Variants in FBXW4 observed in about 807,000 individuals in gnomAD.
FBXW4 encodes F-box and WD repeat domain containing 4.
In FBXW4, 40 loss-of-function variants were observed where a neutral mutation model predicts 61.8. The ratio of observed to expected loss-of-function variants is 0.65; its 90% CI spans 0.50 to 0.84. The LOEUF is 0.84. Ranked by LOEUF, FBXW4 falls within the 40% of genes least tolerant of loss-of-function variation. The pLI is 0.00. For missense variants in FBXW4, 672 were observed against 753.8 expected (o/e 0.89, Z 1.27); for synonymous variants, 311 against 313.8 (o/e 0.99, Z 0.10).
At chr10:101,676,803 A>C (rs1304455741) in intron 1 of FBXW4, 2 of 155,682 alleles carry the variant, frequency 1.3e-5, no homozygotes, top group African/African-American at 4.8e-5. Context: ...TCATAAACTT[A>C]AAATCTAAAA....
At chr10:101,662,459 G>A (rs2064253678) in intron 5 of FBXW4, among the ~76,000 whole-genome samples, 1 of 152,006 alleles carries the variant, frequency 6.6e-6, no homozygotes, top group Admixed American at 6.6e-5. Flanking sequence ...AAACAAACAG[G>A]CCACCACAGC....
chr10:101,649,570 G>C (rs2064129530), intron 5 of FBXW4, among the ~76,000 whole-genome samples: 1 of 152,222 alleles, frequency 6.6e-6, no homozygotes. Flanking sequence ...GAAACAGAGT[G>C]ACCCAAAGCA....
At chr10:101,620,911 T>C (rs2063862353) in intron 6 of FBXW4, among the ~76,000 whole-genome samples, 1 of 152,206 alleles carries the variant, frequency 6.6e-6, no homozygotes, top group Non-Finnish European at 1.5e-5. Flanking sequence ...AACTCCATCC[T>C]GACCATAAAT....
In FBXW4 at chr10:101,694,315, C is replaced by T; in HGVS notation, c.725+66G>A. On this transcript the variant is annotated intron_variant, in intron 1 of 8. Transcript: ENST00000331272. The surrounding 1 kb of genome is among the most constrained non-coding windows in gnomAD (Gnocchi z 6.0). ...ACCCTGGGCCGACCAGGCCGCGGCG[C>T]CCCGCCCTTTCCCGGGACGCGGGGC... is the stretch of plus-strand genomic sequence containing the variant. 7.5e-7 allele frequency: 1 copy of T among 1,324,888 alleles called. No homozygotes were observed. Among genetic ancestry groups the T allele is most frequent in the Non-Finnish European group, 9.6e-7 (1 of 1,039,336 alleles). The allele number at this position is 1,324,888 out of a possible 1,614,324, so 82.1% of individuals were successfully genotyped here. A position where few individuals can be genotyped will look rare whatever the true frequency, so the allele number is the denominator to read the frequency against.
At chr10:101,642,463 GC>G (rs2064061600) in intron 5 of FBXW4, among the ~76,000 whole-genome samples, 1 of 151,140 alleles carries the variant, frequency 6.6e-6, no homozygotes, top group South Asian at 2.1e-4. Context: ...CTCCTTACAG[GC>G]AGCCACTATG....
chr10:101,646,056 A>G (rs935274949), intron 5 of FBXW4, among the ~76,000 whole-genome samples: 4 of 152,198 alleles, frequency 2.6e-5, no homozygotes, highest in Non-Finnish European at 5.9e-5. Flanking sequence ...TACAAGTGCT[A>G]ATCACTCTTG....
intron 5 of FBXW4, among the ~76,000 whole-genome samples, chr10:101,629,573 C>A (rs929096177): frequency 1.3e-5 from 2 of 151,988 alleles, no homozygotes; most frequent in East Asian, 3.9e-4. Flanking sequence ...CATGAGCCAC[C>A]GCACCCAGCC....
chr10:101,631,082 C>G (rs1265211419), intron 5 of FBXW4, among the ~76,000 whole-genome samples: 1 of 151,952 alleles, frequency 6.6e-6, no homozygotes, highest in Non-Finnish European at 1.5e-5. Context: ...CAAACTAAAG[C>G]CGAATAAGAA....
intron 6 of FBXW4, among the ~76,000 whole-genome samples, chr10:101,624,287 C>T (rs1278902210): frequency 6.7e-6 from 1 of 149,358 alleles, no homozygotes; most frequent in African/African-American, 2.5e-5. Flanking sequence ...AAAAAAAAAA[C>T]CAGAATGGCA....
intron 6 of FBXW4, among the ~76,000 whole-genome samples, chr10:101,614,430 G>T (rs577651505): frequency 6.6e-6 from 1 of 152,274 alleles, no homozygotes; most frequent in East Asian, 1.9e-4. Context: ...TGCCAAGCTG[G>T]GCCCCTACCC....
At position 101,694,509 on chromosome 10, in the gene FBXW4, G is replaced by A. The variant is rs775928431; in HGVS notation, c.597C>T (p.Asp199=). 6.6e-7 allele frequency: 1 copy of A among 1,518,912 alleles called. No homozygotes were observed. Among genetic ancestry groups the A allele is most frequent in the Admixed American group, 2.1e-5 (1 of 48,396 alleles). 94.1% of individuals were successfully genotyped at this position (1,518,912 alleles called of 1,614,324 possible). ...GGGCCAGGCGGCCGAGGGCCCGCAT[G>A]TCCAGGTAGGAGCAGATGAGCAGCA... ...ELLLLICSYL[D]MRALGRLAQV... The change falls in exon 1 of 9, where the codon GAC becomes GAT. Residue 199 remains aspartate (D), a synonymous_variant. Transcript: ENST00000331272. The surrounding 1 kb of genome is among the most constrained non-coding windows in gnomAD (Gnocchi z 6.0).
intron 5 of FBXW4, among the ~76,000 whole-genome samples, chr10:101,642,568 A>G (rs2064062424): frequency 6.6e-6 from 1 of 152,058 alleles, no homozygotes; most frequent in Non-Finnish European, 1.5e-5. Flanking sequence ...CTTACTCTCT[A>G]TAAAACCTCC....
At chr10:101,633,603 A>T (rs2063976338) in intron 5 of FBXW4, among the ~76,000 whole-genome samples, 1 of 152,244 alleles carries the variant, frequency 6.6e-6, no homozygotes, top group African/African-American at 2.4e-5. Context: ...TAATAAAAAA[A>T]GATTATATGG....
intron 1 of FBXW4, among the ~76,000 whole-genome samples, chr10:101,679,329 T>C (rs1280133801): frequency 2.0e-5 from 3 of 152,232 alleles, no homozygotes; most frequent in Admixed American, 1.3e-4. Flanking sequence ...CTGTTTTCAT[T>C]TGCCCAATGC....
At chr10:101,667,503 G>C (rs2064316106) in intron 5 of FBXW4, among the ~76,000 whole-genome samples, 1 of 152,164 alleles carries the variant, frequency 6.6e-6, no homozygotes, top group Non-Finnish European at 1.5e-5. Flanking sequence ...CATGTGAGTT[G>C]TAAGAGCAGG....
intron 5 of FBXW4, among the ~76,000 whole-genome samples, chr10:101,663,952 A>G (rs1172572570): frequency 6.6e-6 from 1 of 152,232 alleles, no homozygotes; most frequent in Non-Finnish European, 1.5e-5. Context: ...GTAGAAGGGT[A>G]TGCGAGAGGC....
chr10:101,632,539 C>T lies in FBXW4; in HGVS notation c.1236-7729G>A, dbSNP rs554820476. ...AAGGAAGCCTGAGGTTTCTGATTCA[C>T]TCAAGAATCAGAAACTTATAAACTT... On this transcript the variant is annotated intron_variant, in intron 5 of 8. Coordinates refer to ENST00000331272, the MANE Select transcript of FBXW4 (RefSeq NM_022039.4). Among the ~76,000 whole-genome samples the T allele has an allele frequency of 4.6e-5, 7 of 152,142 alleles. No homozygotes were observed. The South Asian group carries it at 1.4e-3, about 32-fold the overall frequency.
At chr10:101,632,204 T>C (rs2063964142) in intron 5 of FBXW4, among the ~76,000 whole-genome samples, 1 of 151,876 alleles carries the variant, frequency 6.6e-6, no homozygotes, top group Non-Finnish European at 1.5e-5. Context: ...ATACCACACA[T>C]ATTCTCTACA....
intron 5 of FBXW4, among the ~76,000 whole-genome samples, chr10:101,653,005 C>A (rs1564915236): frequency 1.3e-5 from 2 of 152,180 alleles, no homozygotes; most frequent in Admixed American, 6.5e-5. Flanking sequence ...CTCAACCCCA[C>A]GTGTGAGTTC....
Sources: gnomAD v4.1 joint callset for allele counts (sites outside exome capture counted in the v4.1 genomes callset) on GRCh38, gnomAD v4.1.1 for gene constraint, Gnocchi (gnomAD v3.1) non-coding constraint, MANE v1.5 for transcripts, NCBI Gene and HGNC (gene_info 2026-07-23, HGNC 2026-07-21) for gene names.